The following NTRK1 variants were observed in gnomAD, a reference collection of about 807,000 sequenced individuals.
The protein encoded by NTRK1 is neurotrophic receptor tyrosine kinase 1.
NTRK1 carries 62 observed loss-of-function variants against 86.8 expected under a neutral mutation model. That is an observed-to-expected ratio of 0.71 (90% CI 0.58 to 0.88). The LOEUF is 0.88. Among genes scored for constraint, NTRK1 ranks in the 40% least tolerant of loss-of-function variants. NTRK1 has a pLI of 0.00. For missense variants in NTRK1, 967 were observed against 1,078.4 expected, an observed-to-expected ratio of 0.90 and a Z score of 1.45; for synonymous variants, 469 against 456.6, an observed-to-expected ratio of 1.03 and a Z score of -0.35.
intron 2 of NTRK1, chr1:156,843,200 T>C (rs759627325): frequency 6.2e-6 from 10 of 1,614,012 alleles, no homozygotes; most frequent in East Asian, 2.2e-5. Flanking sequence ...CGAGATCTGC[T>C]CCCGAGGCAC....
In NTRK1 at chr1:156,876,135, C is replaced by T. The variant is rs564775946; in HGVS notation, c.1557C>T (p.Gly519=). ...DIVLKWELGE[G]AFGKVFLAEC... The stretch of plus-strand genomic sequence containing the variant: ...TGCTCAAGTGGGAGCTGGGGGAGGG[C>T]GCCTTTGGGAAGGTCTTCCTTGCTG... Residue 519 remains glycine, a synonymous_variant, in exon 13 of 17, where the codon GGC becomes GGT. Transcript: ENST00000524377. 79 of 1,614,190 alleles carry T rather than the reference C, an allele frequency of 4.9e-5. 1 individual carries two copies. The highest frequency in any genetic ancestry group is 3.8e-4 in the East Asian group (17 of 44,882).
At position 156,879,215 on chromosome 1, in the gene NTRK1, G is replaced by C. The variant is rs1218615067; in HGVS notation, c.1899G>C (p.Gln633His). Reference sequence around the variant, plus strand: ...GGCAGCTGCTGGCCGTGGCTAGCCAGGTCGCTGCGGGGATGGTGTACCTGG... The same window carrying C: ...GGCAGCTGCTGGCCGTGGCTAGCCACGTCGCTGCGGGGATGGTGTACCTGG... The part of the protein sequence containing the change: ...GLGQLLAVAS[Q>H]VAAGMVYLAG... The change falls in exon 15 of 17, where the codon CAG (glutamine) becomes CAC (histidine). Residue 633 changes from glutamine to histidine, a missense_variant. Coordinates refer to ENST00000524377, the MANE Select transcript of NTRK1 (RefSeq NM_002529.4). The C allele has an allele frequency of 6.2e-7, 1 of 1,614,088 alleles. No homozygotes were observed. The highest frequency in any genetic ancestry group is 8.5e-7 in the Non-Finnish European group (1 of 1,179,994).
chr1:156,861,288 C>A, intron 1 of NTRK1, 142 bp downstream of exon 1: 2 of 946,588 alleles, frequency 2.1e-6, no homozygotes, highest in Non-Finnish European at 1.5e-6. Flanking sequence ...CGGCGCTGCC[C>A]GGGCGTTCCT....
upstream of NTRK1, among the ~76,000 whole-genome samples, chr1:156,859,731 T>TG (rs1357370355): frequency 1.3e-5 from 2 of 152,012 alleles, no homozygotes; most frequent in Admixed American, 1.3e-4. The surrounding 1 kb of genome is among the most constrained non-coding windows in gnomAD (Gnocchi z 6.2). Flanking sequence ...CTCGGGGACT[T>TG]GGGGGGCCAT....
chr1:156,844,335 A>AG (rs1332697749), intron 2 of NTRK1: 1 of 1,556,814 alleles, frequency 6.4e-7, no homozygotes, highest in African/African-American at 1.4e-5. Flanking sequence ...GTCAGAGGGA[A>AG]GGTCATGCTT....
At chr1:156,845,082 G>T (rs1457186355) in intron 2 of NTRK1, 1 of 1,606,584 alleles carries the variant, frequency 6.2e-7, no homozygotes, top group Admixed American at 1.7e-5. Flanking sequence ...CTACTGTGGG[G>T]CATGGTGCGC....
At chr1:156,871,568 CA>C in intron 6 of NTRK1, 54 bp from the exon 7 acceptor site, 1 of 1,607,130 alleles carries the variant, frequency 6.2e-7, no homozygotes, top group Non-Finnish European at 8.5e-7. Context: ...ACTTCAGCCC[CA>C]GCCCCAAGCT....
intron 2 of NTRK1, chr1:156,844,099 C>G: frequency 9.4e-7 from 1 of 1,064,254 alleles, no homozygotes; most frequent in Non-Finnish European, 1.4e-6. Context: ...ACTGTCTCAT[C>G]TACCTCCCTT....
intron 2 of NTRK1, among the ~76,000 whole-genome samples, chr1:156,850,754 A>C (rs986387401): frequency 7.0e-6 from 1 of 143,604 alleles, no homozygotes; most frequent in African/African-American, 2.6e-5. Flanking sequence ...ATGGGGTTTC[A>C]CCACGTTGGC....
chr1:156,841,736 C>T (rs768383322), intron 1 of NTRK1: 1 of 1,614,136 alleles, frequency 6.2e-7, no homozygotes, highest in Non-Finnish European at 8.5e-7. Flanking sequence ...CGGGCAGCAG[C>T]CCCTTCCCAC....
rs754129939 is a variant in NTRK1, at chr1:156,851,726, A to G, written c.50+9533A>G. 3.7e-5 allele frequency: 59 copies of G among 1,614,068 alleles called. No individual in the cohort carries two copies. The Admixed American group carries it at 9.8e-4, about 27-fold the overall frequency. On this transcript the variant is annotated intron_variant, in intron 2 of 16. Coordinates refer to the NTRK1 transcript ENST00000392302. Reference sequence around the variant, plus strand: ...ATCCTGTGCCGCCTGGATGGAGTCGATGGTCTTGGTGCCTACCTTGCACTC... The same window carrying G: ...ATCCTGTGCCGCCTGGATGGAGTCGGTGGTCTTGGTGCCTACCTTGCACTC...
intron 1 of NTRK1, among the ~76,000 whole-genome samples, chr1:156,821,453 CTGTGTGTGTGTG>C (rs59579534): frequency 5.1e-5 from 7 of 137,940 alleles, no homozygotes; most frequent in Admixed American, 1.5e-4. Context: ...CTAATTTAGC[CTGTGTGTGTGTG>C]TGTGTGTGTG....
At position 156,876,124 on chromosome 1, in the gene NTRK1, C is replaced by T. The variant is rs1185379853; in HGVS notation, c.1546C>T (p.Leu516=). 2 of 1,614,086 alleles carry T rather than the reference C, an allele frequency of 1.2e-6. No individual in the cohort carries two copies. The highest frequency in any genetic ancestry group is 1.7e-6 in the Non-Finnish European group (2 of 1,180,036). ...CCGGGACATCGTGCTCAAGTGGGAG[C>T]TGGGGGAGGGCGCCTTTGGGAAGGT... ...KRRDIVLKWE[L]GEGAFGKVFL... is the part of the protein sequence containing the mutation. The change falls in exon 13 of 17, where the codon CTG becomes TTG. Residue 516 remains leucine (L), a synonymous_variant. Coordinates refer to ENST00000524377, the MANE Select transcript of NTRK1 (RefSeq NM_002529.4).
In NTRK1 at chr1:156,844,160, G is replaced by A. The variant is rs753311076; in HGVS notation, c.50+1967G>A. The A allele has an allele frequency of 1.3e-6, 2 of 1,589,858 alleles. No individual in the cohort carries two copies. Among genetic ancestry groups the A allele is most frequent in the Non-Finnish European group, 1.7e-6 (2 of 1,159,022 alleles). ...GGGAGAAAAGGGGGTGGGGACCGGT[G>A]GGACTTATCATCACCTCTTCTTGCC... On this transcript the variant is annotated intron_variant, in intron 2 of 16. Coordinates refer to the NTRK1 transcript ENST00000392302.
chr1:156,858,046 G>C (rs910989853), upstream of NTRK1, among the ~76,000 whole-genome samples: 1 of 152,176 alleles, frequency 6.6e-6, no homozygotes, highest in East Asian at 1.9e-4. Context: ...GGCCCTAAGA[G>C]GGGGGACACA....
upstream of NTRK1, among the ~76,000 whole-genome samples, chr1:156,858,351 G>A (rs577923272): frequency 1.1e-4 from 17 of 152,294 alleles, no homozygotes; most frequent in Admixed American, 8.5e-4. Context: ...AGGGAGCTGA[G>A]GGAAAAACAC....
At chr1:156,871,440 G>C (rs1219440334) in intron 6 of NTRK1, among the ~76,000 whole-genome samples, 183 bp from the exon 7 acceptor site, 2 of 152,070 alleles carry the variant, frequency 1.3e-5, no homozygotes, top group African/African-American at 4.8e-5. Context: ...GATAGTCAAC[G>C]AACAAACCTA....
At position 156,863,755 on chromosome 1, in the gene NTRK1, T is replaced by A. The variant is rs576318769; in HGVS notation, c.213-599T>A. On this transcript the variant is annotated intron_variant, in intron 1 of 16. Coordinates refer to ENST00000524377, the MANE Select transcript of NTRK1 (RefSeq NM_002529.4). ...GGCGGGCACGTTTGGGAACACACAT[T>A]TGCATGAGCACAGGCTTCGTCTGTG... 3.3e-5 allele frequency among the ~76,000 whole-genome samples: 5 copies of A among 152,100 alleles called. No homozygotes were observed. The East Asian group carries it at 9.7e-4, about 29-fold the overall frequency.
rs780979543 is a variant in NTRK1 at position 156,873,688 on chromosome 1, C to T, written c.906C>T (p.Pro302=). ...TAVEMHHWCI[P]FSVDGQPAPS... is the part of the protein sequence containing the mutation. The stretch of plus-strand genomic sequence containing the variant: ...TGGAGATGCACCACTGGTGCATCCC[C>T]TTCTCTGTGGATGGGCAGCCGGCAC... The change falls in exon 8 of 17, where the codon CCC becomes CCT. Residue 302 remains proline, a synonymous_variant. Coordinates refer to ENST00000524377, the MANE Select transcript of NTRK1 (RefSeq NM_002529.4). The T allele has an allele frequency of 1.2e-6, 2 of 1,611,394 alleles. No individual in the cohort carries two copies. Among genetic ancestry groups the T allele is most frequent in the Admixed American group, 1.7e-5 (1 of 59,950 alleles).
Sources: gnomAD v4.1 joint callset for allele counts (sites outside exome capture counted in the v4.1 genomes callset) on GRCh38, gnomAD v4.1.1 for gene constraint, Gnocchi (gnomAD v3.1) non-coding constraint, MANE v1.5 for transcripts, NCBI Gene and HGNC (gene_info 2026-07-23, HGNC 2026-07-21) for gene names.